Variants in LAMA2 observed in about 807,000 individuals in gnomAD.
The protein encoded by LAMA2 is laminin subunit alpha 2.
LAMA2 carries 269 observed loss-of-function variants against 364.8 expected under a neutral mutation model. That is an observed-to-expected ratio of 0.74 (90% CI 0.67 to 0.82). LAMA2 has a LOEUF of 0.82. Ranked by LOEUF, LAMA2 falls within the 40% of genes least tolerant of loss-of-function variation. LAMA2 has a pLI of 0.00. For missense variants in LAMA2, 3,807 were observed against 3,873.2 expected (o/e 0.98, Z 0.45); for synonymous variants, 1,379 against 1,370.6 (o/e 1.01, Z -0.14).
intron 22 of LAMA2, among the ~76,000 whole-genome samples, chr6:129,305,012 C>T (rs1773778278): frequency 1.3e-5 from 2 of 152,146 alleles, no homozygotes; most frequent in East Asian, 3.9e-4. Context: ...CATGTTCTCT[C>T]AGTTACTGAG....
chr6:129,164,168 G>T (rs1461028578), intron 8 of LAMA2, among the ~76,000 whole-genome samples: 1 of 152,018 alleles, frequency 6.6e-6, no homozygotes, highest in East Asian at 1.9e-4. Flanking sequence ...TATATACTAT[G>T]TTTTTTCTAT....
intron 58 of LAMA2, among the ~76,000 whole-genome samples, chr6:129,500,901 G>A (rs1307085877): frequency 1.3e-5 from 2 of 152,118 alleles, no homozygotes; most frequent in Non-Finnish European, 2.9e-5. Flanking sequence ...GACTGTAACC[G>A]CAATAATATG....
At chr6:129,257,414 G>A (rs541600195) in intron 14 of LAMA2, among the ~76,000 whole-genome samples, 3 of 152,136 alleles carry the variant, frequency 2.0e-5, no homozygotes, top group African/African-American at 7.2e-5. Context: ...AGGAATGTCT[G>A]TTGTTCAAAA....
chr6:129,058,119 G>T (rs1788613172), intron 2 of LAMA2, among the ~76,000 whole-genome samples: 1 of 152,184 alleles, frequency 6.6e-6, no homozygotes, highest in Admixed American at 6.5e-5. Context: ...ATAGAAACAG[G>T]ATCATCAACA....
chr6:129,197,707 C>T (rs1257378804), intron 12 of LAMA2, among the ~76,000 whole-genome samples: 1 of 152,102 alleles, frequency 6.6e-6, no homozygotes, highest in Non-Finnish European at 1.5e-5. Context: ...GTTTCTGATA[C>T]TTTTTGGTTT....
intron 1 of LAMA2, among the ~76,000 whole-genome samples, chr6:129,035,813 T>C (rs1454936768): frequency 1.3e-5 from 2 of 152,118 alleles, no homozygotes; most frequent in African/African-American, 4.8e-5. Context: ...TTTTGCATTC[T>C]CTATTTTGTC....
chr6:129,054,918 A>G (rs919234110), intron 2 of LAMA2, among the ~76,000 whole-genome samples: 27 of 150,342 alleles, frequency 1.8e-4, no homozygotes, highest in Non-Finnish European at 3.5e-4. Context: ...AATGGATGAG[A>G]TGCATTGTCA....
chr6:129,185,934 C>T (rs1781202396), intron 10 of LAMA2, among the ~76,000 whole-genome samples: 1 of 151,634 alleles, frequency 6.6e-6, no homozygotes. Flanking sequence ...ATATTAATTT[C>T]TAGAGTGGAA....
chr6:128,921,713 T>TTTTTTTTTTTTTTTTTTTTTTTTTAA (rs1328311348), intron 1 of LAMA2, among the ~76,000 whole-genome samples: 14 of 144,916 alleles, frequency 9.7e-5, no homozygotes, highest in African/African-American at 3.6e-4. Context: ...TTTTTTTTTT[T>TTTTTTTTTTTTTTTTTTTTTTTTTAA]ATTATTATTA....
chr6:129,086,784 C>G (rs908638753), intron 3 of LAMA2, among the ~76,000 whole-genome samples: 4 of 152,170 alleles, frequency 2.6e-5, no homozygotes, highest in African/African-American at 9.7e-5. Context: ...GGTTAGTAGT[C>G]TGACACAAGT....
At chr6:129,094,057 G>A (rs1775020078) in intron 3 of LAMA2, among the ~76,000 whole-genome samples, 1 of 152,116 alleles carries the variant, frequency 6.6e-6, no homozygotes, top group Admixed American at 6.5e-5. Flanking sequence ...GTTAATAAAA[G>A]TAGCATAGAA....
At chr6:129,018,230 A>G (rs913520281) in intron 1 of LAMA2, among the ~76,000 whole-genome samples, 1 of 152,060 alleles carries the variant, frequency 6.6e-6, no homozygotes, top group Admixed American at 6.5e-5. Context: ...TTAGAAAAAG[A>G]CATTAAAAAG....
chr6:129,269,362 A>G (rs1314638091), intron 16 of LAMA2, among the ~76,000 whole-genome samples: 2 of 71,538 alleles, frequency 2.8e-5, no homozygotes, highest in African/African-American at 4.1e-5. Context: ...TGAAGCTTCC[A>G]TCTTTTTTTT....
At chr6:129,473,554 A>T (rs1450479746) in intron 52 of LAMA2, among the ~76,000 whole-genome samples, 17 of 152,066 alleles carry the variant, frequency 1.1e-4, no homozygotes, top group Non-Finnish European at 2.9e-5. Flanking sequence ...TTTGTTGAAG[A>T]GATGGATTGG....
At chr6:128,962,111 A>G (rs1392288642) in intron 1 of LAMA2, among the ~76,000 whole-genome samples, 5 of 121,858 alleles carry the variant, frequency 4.1e-5, no homozygotes, top group African/African-American at 9.7e-5. Context: ...ATTTGTTGAC[A>G]CTTCTTTTCT....
Position 129,427,752 on chromosome 6 carries a change from G to A in LAMA2, c.5866G>A (p.Ala1956Thr). 6.2e-7 allele frequency: 1 copy of A among 1,610,290 alleles called. No individual in the cohort carries two copies. The highest frequency in any genetic ancestry group is 1.1e-5 in the South Asian group (1 of 90,996). Reference protein sequence around the residue: ...KDLAHEATKLATGPRGLLKED... With the variant: ...KDLAHEATKLTTGPRGLLKED... ...ATGACATTTGTTTTTCTGTCCACAG[G>A]CAACAGGTCCTCGGGGTTTATTAAA... The change falls in exon 41 of 65, where the codon GCA becomes ACA. Residue 1956 changes from alanine to threonine, a missense_variant and splice_region_variant. Coordinates refer to ENST00000421865, the MANE Select transcript of LAMA2 (RefSeq NM_000426.4).
intron 1 of LAMA2, among the ~76,000 whole-genome samples, chr6:129,048,911 G>A (rs566269058): frequency 6.6e-6 from 1 of 151,916 alleles, no homozygotes; most frequent in Non-Finnish European, 1.5e-5. Context: ...CACCACACCC[G>A]GCGAGGAATG....
At chr6:128,928,442 A>C (rs191789953) in intron 1 of LAMA2, among the ~76,000 whole-genome samples, 5 of 152,338 alleles carry the variant, frequency 3.3e-5, no homozygotes, top group Admixed American at 3.3e-4. Flanking sequence ...TATTTCAACA[A>C]AATGTTTATA....
At chr6:129,144,132 T>C in intron 5 of LAMA2, 52 bp downstream of exon 5, 1 of 1,423,888 alleles carries the variant, frequency 7.0e-7, no homozygotes, top group African/African-American at 1.4e-5. Context: ...CCACTTATCT[T>C]TTTGTCTGTT....
Sources: allele counts gnomAD v4.1 joint callset (sites outside exome capture counted in the v4.1 genomes callset), GRCh38; gene constraint gnomAD v4.1.1; transcripts MANE v1.5; gene names NCBI Gene and HGNC (gene_info 2026-07-23, HGNC 2026-07-21).